Variants in XIRP2 observed in about 807,000 individuals in gnomAD.
XIRP2 encodes xin actin-binding repeat-containing protein 2.
In XIRP2, 236 loss-of-function variants were observed where a neutral mutation model predicts 277.0. The ratio of observed to expected loss-of-function variants is 0.85; its 90% CI spans 0.77 to 0.95. The LOEUF (loss-of-function observed/expected upper bound fraction) is 0.95. XIRP2 is among the 40% of genes least tolerant of loss of function. The pLI is 0.00. For synonymous variants in XIRP2, 1,490 were observed against 1,416.5 expected (o/e 1.05, Z -1.17); for missense variants, 4,640 against 4,157.5 (o/e 1.12, Z -3.19).
chr2:166,909,810 A>AGAGT (rs1684647550), intron 2 of XIRP2, among the ~76,000 whole-genome samples: 2 of 150,810 alleles, frequency 1.3e-5, no homozygotes, highest in Admixed American at 6.6e-5. Flanking sequence ...TAGTTTATTG[A>AGAGT]TTTAGCATGA....
intron 2 of XIRP2, among the ~76,000 whole-genome samples, chr2:167,010,636 A>C (rs1403811452): frequency 1.3e-5 from 2 of 152,168 alleles, no homozygotes; most frequent in Non-Finnish European, 2.9e-5. Flanking sequence ...TGTGGATGGC[A>C]TTGAATCTAT....
At chr2:167,151,101 T>A (rs1692003371) in intron 3 of XIRP2, among the ~76,000 whole-genome samples, 1 of 152,106 alleles carries the variant, frequency 6.6e-6, no homozygotes, top group Non-Finnish European at 1.5e-5. Flanking sequence ...AAGTCTAGAT[T>A]CTTCTACAGG....
At chr2:167,229,451 CA>C (rs1464783610) in intron 5 of XIRP2, among the ~76,000 whole-genome samples, 1 of 152,058 alleles carries the variant, frequency 6.6e-6, no homozygotes, top group Non-Finnish European at 1.5e-5. Flanking sequence ...AAAGATATAA[CA>C]ACAAAAGAAA....
Position 167,251,036 on chromosome 2 carries a change from T to A in XIRP2, c.9644T>A (p.Ile3215Asn). 6.2e-7 allele frequency: 1 copy of A among 1,613,652 alleles called. No individual in the cohort carries two copies. The highest frequency in any genetic ancestry group is 2.2e-5 in the East Asian group (1 of 44,822). Residue 3215 changes from isoleucine (I) to asparagine (N), a missense_variant, in exon 9 of 11, where the codon ATC becomes AAC. Coordinates refer to ENST00000409195, the MANE Select transcript of XIRP2 (RefSeq NM_152381.6). ...VPIVEKRSEIIMSPATLRRQI... is the reference protein window; with the variant it reads ...VPIVEKRSEINMSPATLRRQI... ...ATTGTAGAGAAGAGGTCTGAAATCA[T>A]CATGTCTCCTGCAACACTTCGTCGT...
At chr2:167,220,160 C>A (rs1345959466) in intron 5 of XIRP2, among the ~76,000 whole-genome samples, 1 of 152,062 alleles carries the variant, frequency 6.6e-6, no homozygotes, top group African/African-American at 2.4e-5. Flanking sequence ...ACAAATCCTT[C>A]CTTCCTTCCT....
At chr2:167,086,340 G>C (rs1268251182) in intron 2 of XIRP2, among the ~76,000 whole-genome samples, 1 of 152,128 alleles carries the variant, frequency 6.6e-6, no homozygotes, top group Non-Finnish European at 1.5e-5. Context: ...TTCCCTTTGA[G>C]GGTAACCCAA....
intron 9 of XIRP2, among the ~76,000 whole-genome samples, chr2:167,253,259 A>G (rs1224667184): frequency 6.6e-6 from 1 of 151,936 alleles, no homozygotes; most frequent in African/African-American, 2.4e-5. Flanking sequence ...TAATAGAACC[A>G]CTATTATTCA....
At chr2:167,194,987 A>G (rs1693459622) in intron 3 of XIRP2, among the ~76,000 whole-genome samples, 1 of 152,192 alleles carries the variant, frequency 6.6e-6, no homozygotes, top group African/African-American at 2.4e-5. Flanking sequence ...GCAAGATAAG[A>G]ATGTAAAATA....
At chr2:167,071,035 T>A (rs6742332) in intron 2 of XIRP2, among the ~76,000 whole-genome samples, 1 of 151,970 alleles carries the variant, frequency 6.6e-6, no homozygotes. Context: ...GTTTTCCCAA[T>A]AGCAAACCTC....
chr2:166,960,196 G>T (rs1686265435), intron 2 of XIRP2, among the ~76,000 whole-genome samples: 1 of 151,694 alleles, frequency 6.6e-6, no homozygotes, highest in South Asian at 2.1e-4. Flanking sequence ...TTGGAGGATT[G>T]AAAACTTGGT....
chr2:166,969,759 A>AT (rs1275282442), intron 2 of XIRP2, among the ~76,000 whole-genome samples: 5 of 151,888 alleles, frequency 3.3e-5, no homozygotes, highest in African/African-American at 1.2e-4. Context: ...GGAGGAAAAA[A>AT]AAAAAAGTAT....
At chr2:167,112,738 A>G (rs1171858225) in intron 2 of XIRP2, among the ~76,000 whole-genome samples, 1 of 151,784 alleles carries the variant, frequency 6.6e-6, no homozygotes, top group African/African-American at 2.4e-5. Context: ...TGCAACCTCC[A>G]CCTCCTGGGT....
chr2:167,043,602 TAA>T (rs1574198677), intron 2 of XIRP2, among the ~76,000 whole-genome samples: 2 of 151,976 alleles, frequency 1.3e-5, no homozygotes, highest in East Asian at 3.9e-4. Flanking sequence ...AAGAAATAGA[TAA>T]AGTCTTGGAA....
chr2:167,188,865 C>T (rs1188717500), intron 3 of XIRP2, among the ~76,000 whole-genome samples: 1 of 152,150 alleles, frequency 6.6e-6, no homozygotes, highest in Non-Finnish European at 1.5e-5. Flanking sequence ...CAGCTTCCCT[C>T]AACCACCTGA....
intron 2 of XIRP2, among the ~76,000 whole-genome samples, chr2:167,020,628 A>G (rs1220295943): frequency 6.6e-6 from 1 of 151,902 alleles, no homozygotes; most frequent in African/African-American, 2.4e-5. Flanking sequence ...TTTCTTCAGG[A>G]TAGGGATCAA....
chr2:167,254,056 A>G lies in XIRP2; in HGVS notation c.10580A>G (p.Asn3527Ser). The G allele has an allele frequency of 6.3e-7, 1 of 1,597,572 alleles. No individual in the cohort carries two copies. Among genetic ancestry groups the G allele is most frequent in the Non-Finnish European group, 8.5e-7 (1 of 1,171,856 alleles). The change falls in exon 10 of 11, where the codon AAT becomes AGT. Residue 3527 changes from asparagine (N) to serine (S), a missense_variant. Physicochemically the swap from Asn to Ser is conservative, Grantham distance 46. Transcript: ENST00000409195. ...ISEAAAPRQGNMYTLSKDSLS... is the reference protein window; with the variant it reads ...ISEAAAPRQGSMYTLSKDSLS... ...GAAGCTGCTGCTCCAAGACAAGGAAATATGTATACTTTGTCAAAAGACAGT... is the reference window on the plus strand; with the variant it reads ...GAAGCTGCTGCTCCAAGACAAGGAAGTATGTATACTTTGTCAAAAGACAGT...
At chr2:167,146,071 G>A (rs1691855946) in intron 3 of XIRP2, among the ~76,000 whole-genome samples, 1 of 151,068 alleles carries the variant, frequency 6.6e-6, no homozygotes, top group Admixed American at 6.6e-5. Context: ...CCAAGAGCCA[G>A]TCAGATTTGG....
chr2:166,966,408 A>G (rs1306896335), intron 2 of XIRP2, among the ~76,000 whole-genome samples: 2 of 151,784 alleles, frequency 1.3e-5, no homozygotes, highest in African/African-American at 4.8e-5. Flanking sequence ...ACATATATCT[A>G]TATTTGTCTC....
chr2:166,959,969 T>A (rs1398651300), intron 2 of XIRP2, among the ~76,000 whole-genome samples: 1 of 151,808 alleles, frequency 6.6e-6, no homozygotes, highest in Non-Finnish European at 1.5e-5. Flanking sequence ...TTAAAAATAA[T>A]GTTAAATCAC....
Sources: gnomAD v4.1 joint callset for allele counts (sites outside exome capture counted in the v4.1 genomes callset) on GRCh38, gnomAD v4.1.1 for gene constraint, MANE v1.5 for transcripts, NCBI Gene and HGNC (gene_info 2026-07-23, HGNC 2026-07-21) for gene names.